Variants in CYP3A4 observed in about 807,000 individuals in gnomAD.
CYP3A4 encodes cytochrome P450 3A4.
Under a neutral mutation model 54.9 loss-of-function variants are expected in CYP3A4, and 41 were observed. The ratio of observed to expected loss-of-function variants is 0.75; its 90% CI spans 0.58 to 0.97. CYP3A4 has a LOEUF of 0.97. Among genes scored for constraint, CYP3A4 ranks in the 50% least tolerant of loss-of-function variants. The pLI is 0.00. For missense variants in CYP3A4, 510 were observed against 597.3 expected (o/e 0.85, Z 1.52); for synonymous variants, 179 against 205.2 (o/e 0.87, Z 1.09).
intron 3 of CYP3A4, among the ~76,000 whole-genome samples, chr7:99,776,081 A>T (rs1448656916): frequency 6.6e-6 from 1 of 152,242 alleles, no homozygotes; most frequent in Non-Finnish European, 1.5e-5. Context: ...CAGCCAACAG[A>T]CATGTGAAAA....
Position 99,763,978 on chromosome 7 carries a change from G to T in CYP3A4, c.903C>A (p.Ile301=). ...TGGTTTCATAGCCAGCAAAAATAAA[G>T]ATAATTGATTGGGCCACGAGCTCCA... ...SDLELVAQSI[I]FIFAGYETTS... The change falls in exon 10 of 13, where the codon ATC becomes ATA. Residue 301 remains isoleucine, a synonymous_variant. Coordinates refer to ENST00000651514, the MANE Select transcript of CYP3A4 (RefSeq NM_017460.6). 1.2e-6 allele frequency: 2 copies of T among 1,613,988 alleles called. No individual in the cohort carries two copies. Among genetic ancestry groups the T allele is most frequent in the Non-Finnish European group, 1.7e-6 (2 of 1,179,916 alleles).
At chr7:99,774,803 A>G (rs1815718889) in intron 3 of CYP3A4, among the ~76,000 whole-genome samples, 1 of 152,196 alleles carries the variant, frequency 6.6e-6, no homozygotes, top group Non-Finnish European at 1.5e-5. Context: ...GTCCTCTCTC[A>G]CCACTCCTAT....
rs769509779 is a variant in CYP3A4 at position 99,762,261 on chromosome 7, G to A, written c.1033C>T (p.Pro345Ser). The part of the protein sequence containing the change: ...IDAVLPNKAP[P>S]TYDTVLQMEY... ...ATCTGTAGCACAGTATCATAGGTGG[G>A]TGGTGCCTGGAAAGAACGAAACAGA... The change falls in exon 11 of 13, where the codon CCC becomes TCC. Residue 345 changes from proline to serine, a missense_variant. Pro to Ser is a moderately conservative substitution (Grantham distance 74). Coordinates refer to ENST00000651514, the MANE Select transcript of CYP3A4 (RefSeq NM_017460.6). 4 of 1,613,992 alleles carry A rather than the reference G, an allele frequency of 2.5e-6. No homozygotes were observed. Among genetic ancestry groups the A allele is most frequent in the Non-Finnish European group, 3.4e-6 (4 of 1,179,976 alleles).
At chr7:99,783,768 C>T (rs928037887) in intron 1 of CYP3A4, among the ~76,000 whole-genome samples, 31 of 151,958 alleles carry the variant, frequency 2.0e-4, no homozygotes, top group African/African-American at 7.5e-4. Flanking sequence ...ACCACCATGC[C>T]CAGCTAATTT....
Position 99,757,954 on chromosome 7 carries a change from T to C in CYP3A4, c.*179A>G. ...GTCACCTCCTTTATATTCCCAAGTATAACACTCTACACAGACAATGAGAGA... is the reference window on the plus strand; with the variant it reads ...GTCACCTCCTTTATATTCCCAAGTACAACACTCTACACAGACAATGAGAGA... On this transcript the variant is annotated 3_prime_UTR_variant, in exon 13 of 13. Transcript: ENST00000651514. 1 of 585,032 alleles carries C rather than the reference T, an allele frequency of 1.7e-6. No homozygotes were observed. Among genetic ancestry groups the C allele is most frequent in the South Asian group, 2.0e-5 (1 of 50,096 alleles). The allele number at this position is 585,032 out of a possible 1,614,324, so 36.2% of individuals were successfully genotyped here. A position where few individuals can be genotyped will look rare whatever the true frequency, so the allele number is the denominator to read the frequency against.
At chr7:99,777,972 G>A (rs1407179788) in intron 3 of CYP3A4, 56 bp downstream of exon 3, 1 of 1,392,388 alleles carries the variant, frequency 7.2e-7, no homozygotes, top group African/African-American at 1.4e-5. Flanking sequence ...TCTGTGCAGT[G>A]GGGTAAACTC....
chr7:99,781,806 T>C (rs1815932252), intron 1 of CYP3A4, among the ~76,000 whole-genome samples: 1 of 152,246 alleles, frequency 6.6e-6, no homozygotes. Flanking sequence ...AGATGTAGTA[T>C]TCCACATAAG....
rs1207754680 is a variant in CYP3A4 at position 99,765,708 on chromosome 7, T to C, written c.865+669A>G. Among the ~76,000 whole-genome samples the C allele has an allele frequency of 4.6e-5, 7 of 152,278 alleles. No homozygotes were observed. The East Asian group carries it at 1.4e-3, about 29-fold the overall frequency. On this transcript the variant is annotated intron_variant, in intron 9 of 12. Coordinates refer to ENST00000651514, the MANE Select transcript of CYP3A4 (RefSeq NM_017460.6). ...CATGGTCATCATTTTGCCACTGTCA[T>C]AGTAATAGTGACTTCAGTAAAAAAC...
intron 3 of CYP3A4, among the ~76,000 whole-genome samples, chr7:99,774,507 G>A (rs2738262): frequency 0.79 from 120,396 of 152,144 alleles, 53,183 homozygotes; most frequent in East Asian, 1. Context: ...TCAAGTCAGC[G>A]TCATCCCTGG....
In CYP3A4 at chr7:99,761,133, T is replaced by C. The variant is rs1457865841; in HGVS notation, c.1254-152A>G. The C allele has an allele frequency of 1.4e-5, 12 of 861,170 alleles. No homozygotes were observed. The East Asian group carries it at 3.0e-4, about 22-fold the overall frequency. The allele number at this position is 861,170 out of a possible 1,614,324, so 53.3% of individuals were successfully genotyped here. On this transcript the variant is annotated intron_variant, in intron 11 of 12. Coordinates refer to ENST00000651514, the MANE Select transcript of CYP3A4 (RefSeq NM_017460.6). ...CATTGAAATCCTGCTATGCTTATTTTGCTATGAGAATTGTAAGCTACAGAT... is the reference window on the plus strand; with the variant it reads ...CATTGAAATCCTGCTATGCTTATTTCGCTATGAGAATTGTAAGCTACAGAT...
At position 99,772,572 on chromosome 7, in the gene CYP3A4, C is replaced by A. The variant is rs755118922; in HGVS notation, c.318+18G>T. 6.2e-7 allele frequency: 1 copy of A among 1,611,128 alleles called. No individual in the cohort carries two copies. Among genetic ancestry groups the A allele is most frequent in the Non-Finnish European group, 8.5e-7 (1 of 1,179,008 alleles). On this transcript the variant is annotated intron_variant, in intron 4 of 12. Transcript: ENST00000651514. ...ATTTAATCAATCAGTATTTTAATTT[C>A]AACACATGAATGCTTACCCTCCGGT...
Position 99,778,012 on chromosome 7 carries a change from T to G in CYP3A4, c.218+16A>C. Reference sequence around the variant, plus strand: ...TAGAAACAAGTCTATCCAATGGAAGTTTCCAGAATACTCACCCCCACACTT... The same window carrying G: ...TAGAAACAAGTCTATCCAATGGAAGGTTCCAGAATACTCACCCCCACACTT... On this transcript the variant is annotated intron_variant, in intron 3 of 12. Transcript: ENST00000651514. 1 of 1,608,500 alleles carries G rather than the reference T, an allele frequency of 6.2e-7. No homozygotes were observed. The highest frequency in any genetic ancestry group is 1.3e-5 in the African/African-American group (1 of 74,880).
chr7:99,776,466 A>G (rs1351677343), intron 3 of CYP3A4, among the ~76,000 whole-genome samples: 2 of 152,244 alleles, frequency 1.3e-5, no homozygotes, highest in Non-Finnish European at 2.9e-5. Context: ...GACAGACTGG[A>G]TAAAGAAAAT....
At chr7:99,778,226 A>G (rs1004790986) in intron 2 of CYP3A4, 146 bp from the exon 3 acceptor site, 2 of 630,982 alleles carry the variant, frequency 3.2e-6, no homozygotes, top group African/African-American at 1.8e-5. Flanking sequence ...TAAAGGAAAT[A>G]AGAGAAAACA....
chr7:99,780,355 T>A (rs1815888311), intron 1 of CYP3A4, among the ~76,000 whole-genome samples: 2 of 152,194 alleles, frequency 1.3e-5, no homozygotes, highest in African/African-American at 4.8e-5. Flanking sequence ...TGATAAATGT[T>A]CTCAAATGTG....
intron 1 of CYP3A4, among the ~76,000 whole-genome samples, chr7:99,781,923 A>T (rs997636203): frequency 2.6e-5 from 4 of 152,258 alleles, no homozygotes; most frequent in Admixed American, 1.3e-4. Context: ...AAATCCGGTG[A>T]CTGTGATAAT....
Position 99,758,115 on chromosome 7 carries a change from A to C in CYP3A4, c.*18T>G, listed in dbSNP as rs372534674. On this transcript the variant is annotated 3_prime_UTR_variant, in exon 13 of 13. Coordinates refer to ENST00000651514, the MANE Select transcript of CYP3A4 (RefSeq NM_017460.6). ...GCACAGATTTCTTGAAGAGCAAAGC[A>C]GAAGTCCTTAGGAAAATTCAGGCTC... 559 of 1,603,582 alleles carry C rather than the reference A, an allele frequency of 3.5e-4. No homozygotes were observed. Among genetic ancestry groups the C allele is most frequent in the Non-Finnish European group, 4.7e-4 (545 of 1,170,568 alleles).
At position 99,757,487 on chromosome 7, in the gene CYP3A4, A is replaced by G. The variant is rs1348961741; in HGVS notation, c.*646T>C. On this transcript the variant is annotated 3_prime_UTR_variant, in exon 13 of 13. Transcript: ENST00000651514. The stretch of plus-strand genomic sequence containing the variant: ...GCCTGATCAAAAAAGGCATAATTAA[A>G]CTATGAATATTCTTTCTAAACAATG... The G allele has an allele frequency of 6.6e-6, 1 of 152,606 alleles. No homozygotes were observed. Among genetic ancestry groups the G allele is most frequent in the Non-Finnish European group, 1.5e-5 (1 of 68,398 alleles). 9.5% of individuals were successfully genotyped at this position (152,606 alleles called of 1,614,324 possible).
At position 99,773,849 on chromosome 7, in the gene CYP3A4, A is replaced by G. The variant is rs1815693532; in HGVS notation, c.219-1160T>C. On this transcript the variant is annotated intron_variant, in intron 3 of 12. Transcript: ENST00000651514. ...GGAGACAAGAAATAACTAAGATCAG[A>G]GCAGAACAGAAGGAGATAGAGACAC... 2.0e-5 allele frequency among the ~76,000 whole-genome samples: 3 copies of G among 152,234 alleles called. No homozygotes were observed. The South Asian group carries it at 6.2e-4, about 32-fold the overall frequency.
Sources: gnomAD v4.1 joint callset for allele counts (sites outside exome capture counted in the v4.1 genomes callset) on GRCh38, gnomAD v4.1.1 for gene constraint, MANE v1.5 for transcripts, NCBI Gene and HGNC (gene_info 2026-07-23, HGNC 2026-07-21) for gene names.